Variants in UNC13C observed in about 807,000 individuals in gnomAD.
UNC13C encodes the protein protein unc-13 homolog C.
UNC13C carries 174 observed loss-of-function variants against 245.4 expected under a neutral mutation model. The ratio of observed to expected loss-of-function variants is 0.71; its 90% CI spans 0.63 to 0.80. The LOEUF is 0.80. UNC13C is among the 30% of genes least tolerant of loss of function. The pLI, the probability that UNC13C is intolerant of heterozygous loss-of-function variation, is 0.00. For missense variants in UNC13C, 2,829 were observed against 2,602.9 expected, an observed-to-expected ratio of 1.09 and a Z score of -1.89; for synonymous variants, 992 against 895.1, an observed-to-expected ratio of 1.11 and a Z score of -1.93.
intron 19 of UNC13C, among the ~76,000 whole-genome samples, chr15:54,424,031 C>T (rs950283012): frequency 1.3e-5 from 2 of 151,646 alleles, no homozygotes; most frequent in Non-Finnish European, 2.9e-5. Context: ...GCCTTAGGTG[C>T]TCATTGCTGC....
In UNC13C at chr15:54,002,953, G is replaced by T. The variant is rs115105592; in HGVS notation, c.-256-9695G>T. Among the ~76,000 whole-genome samples, 1,432 of 152,296 alleles carry T rather than the reference G, an allele frequency of 9.4e-3. 22 individuals carry two copies. Among genetic ancestry groups the T allele is most frequent in the African/African-American group, 0.033 (1,355 of 41,562 alleles). ...GTAGGAGGCCTGCGTTTTTGTTCCA[G>T]CTCTGCTGTATGAACTAAGGCAAGT... On this transcript the variant is annotated intron_variant, in intron 1 of 32. Coordinates refer to ENST00000260323, the MANE Select transcript of UNC13C (RefSeq NM_001080534.3).
At position 54,013,144 on chromosome 15, in the gene UNC13C, G is replaced by T; in HGVS notation, c.241G>T (p.Glu81Ter). Reference protein sequence around the residue: ...STHNLSTEEDEASKEFSLSPT... With the variant: ...STHNLSTEED ...TCACAACTTATCCACTGAGGAAGAC[G>T]AGGCCAGTAAAGAGTTTTCCCTCTC... The change falls in exon 2 of 33, where the codon GAG (glutamate) becomes TAG (stop). Residue 81 changes from glutamate (E) to a stop codon, truncating the protein, a stop_gained. Coordinates refer to ENST00000260323, the MANE Select transcript of UNC13C (RefSeq NM_001080534.3). LOFTEE classifies it high-confidence loss of function. 1 of 1,613,834 alleles carries T rather than the reference G, an allele frequency of 6.2e-7. No homozygotes were observed. The highest frequency in any genetic ancestry group is 8.5e-7 in the Non-Finnish European group (1 of 1,179,856).
At chr15:54,186,304 A>G (rs931997604) in intron 4 of UNC13C, among the ~76,000 whole-genome samples, 8 of 152,116 alleles carry the variant, frequency 5.3e-5, no homozygotes, top group African/African-American at 1.4e-4. Context: ...TTCCAACACT[A>G]TGTTGAATAG....
chr15:54,480,415 TC>T (rs1893041070), intron 19 of UNC13C, among the ~76,000 whole-genome samples: 1 of 91,824 alleles, frequency 1.1e-5, no homozygotes, highest in South Asian at 4.3e-4. Flanking sequence ...CTTTTTTTAC[TC>T]TTTTTTTTTT....
intron 2 of UNC13C, among the ~76,000 whole-genome samples, chr15:54,128,853 A>T (rs560389454): frequency 1.5e-4 from 23 of 152,272 alleles, no homozygotes; most frequent in Non-Finnish European, 2.2e-4. Flanking sequence ...CCCATCACTG[A>T]TATCAGGGGA....
At chr15:54,497,535 C>T (rs1894010477) in intron 20 of UNC13C, among the ~76,000 whole-genome samples, 1 of 151,908 alleles carries the variant, frequency 6.6e-6, no homozygotes, top group African/African-American at 2.4e-5. Context: ...TTTCTGATGC[C>T]TAATTTACCT....
intron 30 of UNC13C, among the ~76,000 whole-genome samples, chr15:54,606,846 A>G (rs1596662909): frequency 1.3e-5 from 2 of 152,286 alleles, no homozygotes; most frequent in South Asian, 4.1e-4. Flanking sequence ...AGCCATAGGA[A>G]TTACATGGAT....
chr15:54,097,035 G>A (rs1391807850), intron 2 of UNC13C, among the ~76,000 whole-genome samples: 3 of 152,134 alleles, frequency 2.0e-5, no homozygotes, highest in African/African-American at 7.2e-5. Flanking sequence ...TGAAGTCAGA[G>A]ACTTAACAAA....
At chr15:53,919,054 C>G in the UNC13C span, among the ~76,000 whole-genome samples, 2 of 152,136 alleles carry the variant, frequency 1.3e-5, no homozygotes, top group African/African-American at 4.8e-5. Flanking sequence ...AGGATTGAAC[C>G]AATTATTTCC....
the UNC13C span, among the ~76,000 whole-genome samples, chr15:53,899,227 A>C: frequency 2.0e-5 from 3 of 152,170 alleles, no homozygotes; most frequent in African/African-American, 7.2e-5. Context: ...AAGCTCTTTG[A>C]GGTCAAAGAA....
intron 11 of UNC13C, among the ~76,000 whole-genome samples, chr15:54,296,696 A>G (rs1412628249): frequency 6.6e-6 from 1 of 152,172 alleles, no homozygotes; most frequent in Non-Finnish European, 1.5e-5. Context: ...GTTTAACTGT[A>G]CCTTATACGG....
At chr15:53,902,614 A>T in the UNC13C span, among the ~76,000 whole-genome samples, 1 of 152,038 alleles carries the variant, frequency 6.6e-6, no homozygotes, top group African/African-American at 2.4e-5. Context: ...TATTTAATTA[A>T]CTCATATTAA....
At position 54,585,043 on chromosome 15, in the gene UNC13C, A is replaced by G. The variant is rs141060457; in HGVS notation, c.6106+17096A>G. 7.2e-3 allele frequency among the ~76,000 whole-genome samples: 1,094 copies of G among 152,344 alleles called. 18 individuals are homozygous for G. The highest frequency in any genetic ancestry group is 0.026 in the African/African-American group (1,061 of 41,576). On this transcript the variant is annotated intron_variant, in intron 30 of 32. Coordinates refer to ENST00000260323, the MANE Select transcript of UNC13C (RefSeq NM_001080534.3). ...TCACCAGACTACCATTGGTTATCCG[A>G]TATGGGCAGCAGAATTAAGAGGTAA...
intron 32 of UNC13C, 34 bp downstream of exon 32, chr15:54,623,988 G>A (rs1267157184): frequency 1.2e-6 from 2 of 1,611,382 alleles, no homozygotes; most frequent in Non-Finnish European, 1.7e-6. Context: ...TATTCTACCA[G>A]GCAATAGTTA....
intron 30 of UNC13C, among the ~76,000 whole-genome samples, chr15:54,597,479 C>T (rs1303506844): frequency 6.6e-6 from 1 of 152,066 alleles, no homozygotes; most frequent in Non-Finnish European, 1.5e-5. Flanking sequence ...GTCTGTGGTC[C>T]TCTGCTTATG....
chr15:54,390,501 C>G (rs2039931754), intron 17 of UNC13C, among the ~76,000 whole-genome samples: 1 of 151,924 alleles, frequency 6.6e-6, no homozygotes, highest in Non-Finnish European at 1.5e-5. Flanking sequence ...AATCTATTAA[C>G]AAAATAATTT....
At chr15:54,044,413 A>G (rs1179104764) in intron 2 of UNC13C, 1 of 332,908 alleles carries the variant, frequency 3.0e-6, no homozygotes, top group Non-Finnish European at 6.1e-6. Context: ...TTATGATAAC[A>G]TATATTTAAA....
chr15:54,322,051 A>C lies in UNC13C; in HGVS notation c.4381A>C (p.Ile1461Leu), dbSNP rs1456541676. 1.3e-6 allele frequency: 2 copies of C among 1,590,312 alleles called. No homozygotes were observed. Among genetic ancestry groups the C allele is most frequent in the African/African-American group, 2.7e-5 (2 of 74,536 alleles). The change falls in exon 14 of 33, where the codon ATA becomes CTA. Residue 1461 changes from isoleucine to leucine, a missense_variant. Coordinates refer to ENST00000260323, the MANE Select transcript of UNC13C (RefSeq NM_001080534.3). ...TGCTCACACAACAGTTTCAACAAAC[A>C]TACAGGTTTCTGCCTCAGATCGATT... ...FYAHTTVSTN[I>L]QVSASDRFAA...
chr15:54,116,583 C>G (rs2030265030), intron 2 of UNC13C, among the ~76,000 whole-genome samples: 1 of 152,094 alleles, frequency 6.6e-6, no homozygotes, highest in Admixed American at 6.6e-5. Flanking sequence ...CCAGTTTCAT[C>G]CATATTGTTG....
Sources: gnomAD v4.1 joint callset for allele counts (sites outside exome capture counted in the v4.1 genomes callset) on GRCh38, gnomAD v4.1.1 for gene constraint, MANE v1.5 for transcripts, NCBI Gene and HGNC (gene_info 2026-07-23, HGNC 2026-07-21) for gene names.